Variants in GRID1 observed in about 807,000 individuals in gnomAD.
GRID1 encodes glutamate ionotropic receptor delta type subunit 1.
A neutral mutation model predicts 98.0 loss-of-function variants in GRID1; 28 were observed. The ratio of observed to expected loss-of-function variants is 0.29; its 90% CI spans 0.21 to 0.39. The LOEUF is 0.39. Ranked by LOEUF, GRID1 falls within the 10% of genes least tolerant of loss-of-function variation. GRID1 has a pLI of 1.00. For synonymous variants in GRID1, 553 were observed against 538.5 expected (o/e 1.03, Z -0.37); for missense variants, 1,111 against 1,340.5 (o/e 0.83, Z 2.67).
chr10:85,715,018 T>C (rs528310604), intron 12 of GRID1, among the ~76,000 whole-genome samples: 2 of 152,194 alleles, frequency 1.3e-5, no homozygotes, highest in East Asian at 1.9e-4. Flanking sequence ...ATTAAAACAA[T>C]ATAGTATTGG....
chr10:85,624,817 G>A (rs1590164504), intron 13 of GRID1, among the ~76,000 whole-genome samples: 1 of 152,086 alleles, frequency 6.6e-6, no homozygotes. Context: ...GAATTTCACC[G>A]AAAAAGTAAC....
At chr10:86,046,791 T>C (rs771026506) in intron 4 of GRID1, among the ~76,000 whole-genome samples, 3 of 151,148 alleles carry the variant, frequency 2.0e-5, no homozygotes, top group Non-Finnish European at 2.9e-5. Flanking sequence ...TGATCACTTA[T>C]GTGCAATCTC....
At chr10:85,930,522 T>C (rs1841836097) in intron 4 of GRID1, among the ~76,000 whole-genome samples, 1 of 152,090 alleles carries the variant, frequency 6.6e-6, no homozygotes, top group African/African-American at 2.4e-5. Flanking sequence ...TGTGGACCAG[T>C]TGGTCTCCAG....
At chr10:86,111,511 C>T (rs1277584502) in intron 4 of GRID1, among the ~76,000 whole-genome samples, 1 of 152,166 alleles carries the variant, frequency 6.6e-6, no homozygotes, top group Admixed American at 6.5e-5. Flanking sequence ...CTGAAAGATA[C>T]CTGTATGTAT....
chr10:86,038,255 C>T (rs1295493276), intron 4 of GRID1, among the ~76,000 whole-genome samples: 5 of 152,162 alleles, frequency 3.3e-5, no homozygotes, highest in African/African-American at 4.8e-5. Flanking sequence ...TGGCCAGTTT[C>T]AAGCTATCAG....
chr10:85,997,218 G>A (rs1037816863), intron 4 of GRID1, among the ~76,000 whole-genome samples: 4 of 152,068 alleles, frequency 2.6e-5, no homozygotes, highest in African/African-American at 9.7e-5. Flanking sequence ...TGGCCAAGAT[G>A]GTGAAACCCC....
intron 6 of GRID1, among the ~76,000 whole-genome samples, chr10:85,864,108 C>G (rs1843192172): frequency 6.6e-6 from 1 of 152,212 alleles, no homozygotes; most frequent in Non-Finnish European, 1.5e-5. Flanking sequence ...CAGAGGCAAA[C>G]AGTAGGAACT....
intron 4 of GRID1, among the ~76,000 whole-genome samples, chr10:85,977,788 G>A (rs1268593740): frequency 6.6e-6 from 1 of 152,112 alleles, no homozygotes; most frequent in Non-Finnish European, 1.5e-5. Context: ...GCCAGTTGAA[G>A]ACCTCCCCGC....
chr10:85,634,278 C>CTCTCTCTCTT lies in GRID1; in HGVS notation c.2193+12923_2193+12924insAAGAGAGAGA, dbSNP rs1170216063. On this transcript the variant is annotated intron_variant, in intron 13 of 15. Transcript: ENST00000327946. Reference sequence around the variant, plus strand: ...TCTCTCTCTCTCTCTCTCTCTCTCTCTCTCTCTCTCTCTCACACACACACA... The same window carrying CTCTCTCTCTT: ...TCTCTCTCTCTCTCTCTCTCTCTCTCTCTCTCTCTTTCTCTCTCTCTCTCACACACACACA... 9.6e-5 allele frequency among the ~76,000 whole-genome samples: 14 copies of CTCTCTCTCTT among 145,950 alleles called. No individual in the cohort carries two copies. In the East Asian group the frequency reaches 2.8e-3, roughly 29 times the overall value.
chr10:85,700,659 G>T (rs1426893665), intron 12 of GRID1, among the ~76,000 whole-genome samples: 1 of 152,162 alleles, frequency 6.6e-6, no homozygotes, highest in African/African-American at 2.4e-5. Context: ...TAAAGGAAAT[G>T]AAAGTAATTA....
At chr10:86,275,397 G>A (rs1292235565) in intron 2 of GRID1, among the ~76,000 whole-genome samples, 1 of 151,658 alleles carries the variant, frequency 6.6e-6, no homozygotes. Context: ...CCATTCAAAG[G>A]AACAAAGTAA....
At chr10:85,946,482 A>C (rs957158027) in intron 4 of GRID1, among the ~76,000 whole-genome samples, 1 of 152,250 alleles carries the variant, frequency 6.6e-6, no homozygotes, top group Admixed American at 6.5e-5. Context: ...TGACACACCA[A>C]GGAATCAATT....
chr10:86,363,572 A>C lies in GRID1; in HGVS notation c.235+369T>G, dbSNP rs945943612. On this transcript the variant is annotated intron_variant, in intron 2 of 15. Coordinates refer to ENST00000327946, the MANE Select transcript of GRID1 (RefSeq NM_017551.3). ...AGATCAGGGGAGGTGCGCCCGATAC[A>C]GGTACCCGGCACGCAGACACGCCCA... 3.3e-5 allele frequency among the ~76,000 whole-genome samples: 5 copies of C among 152,210 alleles called. No individual in the cohort carries two copies. The East Asian group carries it at 9.7e-4, about 29-fold the overall frequency.
chr10:86,043,836 C>T (rs1476712568), intron 4 of GRID1, among the ~76,000 whole-genome samples: 1 of 152,198 alleles, frequency 6.6e-6, no homozygotes, highest in Admixed American at 6.5e-5. Flanking sequence ...CTTTAAATAA[C>T]TGGATCTTTA....
chr10:85,939,863 C>T (rs12251751), intron 4 of GRID1, among the ~76,000 whole-genome samples: 214 of 152,022 alleles, frequency 1.4e-3, no homozygotes, highest in African/African-American at 4.9e-3. Flanking sequence ...GTCAGGAGTT[C>T]GAGACCAGCC....
At position 85,916,579 on chromosome 10, in the gene GRID1, T is replaced by C. The variant is rs1841624292; in HGVS notation, c.727-340A>G. ...GCAAACACCTTTCTGCAGGGGCGCTTAGGGGATGAGTGTTATCATTACTCC... is the reference window on the plus strand; with the variant it reads ...GCAAACACCTTTCTGCAGGGGCGCTCAGGGGATGAGTGTTATCATTACTCC... On this transcript the variant is annotated intron_variant, in intron 4 of 15. Transcript: ENST00000327946. The surrounding 1 kb of genome is among the most constrained non-coding windows in gnomAD (Gnocchi z 4.0). 1.3e-5 allele frequency among the ~76,000 whole-genome samples: 2 copies of C among 152,120 alleles called. No individual in the cohort carries two copies. Among genetic ancestry groups the C allele is most frequent in the Non-Finnish European group, 2.9e-5 (2 of 68,020 alleles).
At chr10:86,199,800 T>G (rs1426629550) in intron 3 of GRID1, among the ~76,000 whole-genome samples, 1 of 152,128 alleles carries the variant, frequency 6.6e-6, no homozygotes, top group Non-Finnish European at 1.5e-5. Context: ...TGTGTCAGTT[T>G]CTGCCCTTTT....
At chr10:85,953,711 C>T (rs990052336) in intron 4 of GRID1, among the ~76,000 whole-genome samples, 1 of 152,220 alleles carries the variant, frequency 6.6e-6, no homozygotes, top group East Asian at 1.9e-4. Flanking sequence ...TTCACAGTCT[C>T]TCTGTATAGG....
intron 4 of GRID1, among the ~76,000 whole-genome samples, chr10:86,002,570 A>T (rs543524380): frequency 6.6e-6 from 1 of 152,326 alleles, no homozygotes; most frequent in African/African-American, 2.4e-5. Flanking sequence ...TACAGTGGTT[A>T]CTGGGCCTGG....
Sources: allele counts gnomAD v4.1 joint callset (sites outside exome capture counted in the v4.1 genomes callset), GRCh38; gene constraint gnomAD v4.1.1; non-coding constraint Gnocchi (gnomAD v3.1); transcripts MANE v1.5; gene names NCBI Gene and HGNC (gene_info 2026-07-23, HGNC 2026-07-21).